Variants in CELF4 observed in about 807,000 individuals in gnomAD.
The protein encoded by CELF4 is CUGBP Elav-like family member 4, also known as CUG-BP- and ETR-3-like factor 4.
A neutral mutation model predicts 59.9 loss-of-function variants in CELF4; 18 were observed. That is an observed-to-expected ratio of 0.30 (90% CI 0.21 to 0.45). The LOEUF is 0.45. Among genes scored for constraint, CELF4 ranks in the 20% least tolerant of loss-of-function variants. The pLI is 1.00. For missense variants in CELF4, 456 were observed against 689.0 expected (o/e 0.66, Z 3.79); for synonymous variants, 261 against 267.1 (o/e 0.98, Z 0.22).
At chr18:37,372,374 C>T (rs772959819) in intron 2 of CELF4, among the ~76,000 whole-genome samples, 9 of 152,226 alleles carry the variant, frequency 5.9e-5, no homozygotes, top group Non-Finnish European at 1.0e-4. Flanking sequence ...AGCAAACTAT[C>T]GCAAGGACAG....
intron 2 of CELF4, among the ~76,000 whole-genome samples, chr18:37,396,678 G>A (rs1196087227): frequency 1.3e-5 from 2 of 152,132 alleles, no homozygotes; most frequent in African/African-American, 2.4e-5. Flanking sequence ...TGGATGAGGC[G>A]GGTGACTGGA....
intron 2 of CELF4, among the ~76,000 whole-genome samples, chr18:37,333,784 G>GCATC (rs59559131): frequency 3.5e-4 from 52 of 150,130 alleles, no homozygotes; most frequent in African/African-American, 1.1e-3. Flanking sequence ...CTCCATCCAT[G>GCATC]CATCCATCCA....
chr18:37,308,674 C>T (rs2096536477), intron 3 of CELF4, among the ~76,000 whole-genome samples: 1 of 152,216 alleles, frequency 6.6e-6, no homozygotes, highest in Non-Finnish European at 1.5e-5. Context: ...TTGCAACTGG[C>T]CATTTATGTG....
intron 2 of CELF4, among the ~76,000 whole-genome samples, chr18:37,347,086 A>T (rs866851537): frequency 1.3e-5 from 2 of 152,156 alleles, no homozygotes; most frequent in Non-Finnish European, 1.5e-5. Flanking sequence ...GGACCTGCTG[A>T]TGGAGGGTGT....
intron 1 of CELF4, among the ~76,000 whole-genome samples, chr18:37,504,671 C>T (rs2099935658): frequency 1.3e-5 from 2 of 152,120 alleles, no homozygotes; most frequent in African/African-American, 2.4e-5. Flanking sequence ...GAGTACCAGT[C>T]ACCACCAGCA....
At chr18:37,270,647 G>T in intron 8 of CELF4, 121 bp downstream of exon 8, 1 of 1,223,930 alleles carries the variant, frequency 8.2e-7, no homozygotes, top group Non-Finnish European at 1.2e-6. Context: ...GATCACACTT[G>T]GGGTTTCATC....
intron 2 of CELF4, among the ~76,000 whole-genome samples, chr18:37,467,982 C>T (rs1204904740): frequency 6.6e-6 from 1 of 151,680 alleles, no homozygotes; most frequent in Non-Finnish European, 1.5e-5. Flanking sequence ...TGTGTATGTG[C>T]GTGCATGTGT....
intron 2 of CELF4, among the ~76,000 whole-genome samples, chr18:37,452,309 C>T (rs181985642): frequency 6.6e-6 from 1 of 152,260 alleles, no homozygotes; most frequent in East Asian, 1.9e-4. Context: ...CTTCTCACAA[C>T]CCTTGAGGCC....
chr18:37,550,093 G>GGA (rs1555649400), intron 1 of CELF4, among the ~76,000 whole-genome samples: 1 of 130,844 alleles, frequency 7.6e-6, no homozygotes, highest in Non-Finnish European at 1.6e-5. Flanking sequence ...TGGGGGGGGG[G>GGA]GATCCGTGGG....
At chr18:37,335,761 G>C (rs1380591859) in intron 2 of CELF4, among the ~76,000 whole-genome samples, 1 of 152,012 alleles carries the variant, frequency 6.6e-6, no homozygotes, top group Non-Finnish European at 1.5e-5. Context: ...TAGAGACTCT[G>C]CCTGTGGCTC....
intron 2 of CELF4, among the ~76,000 whole-genome samples, chr18:37,353,360 C>A (rs956981124): frequency 1.8e-4 from 27 of 151,466 alleles, no homozygotes; most frequent in Non-Finnish European, 8.8e-5. Context: ...TCCCAGGGGT[C>A]AGCAATGGAG....
At chr18:37,550,491 C>G (rs967373099) in intron 1 of CELF4, among the ~76,000 whole-genome samples, 4 of 152,224 alleles carry the variant, frequency 2.6e-5, no homozygotes, top group Non-Finnish European at 5.9e-5. Flanking sequence ...CCAAGCTAAG[C>G]TGAAACTTTC....
chr18:37,508,535 A>G (rs1325256404), intron 1 of CELF4, among the ~76,000 whole-genome samples: 4 of 152,118 alleles, frequency 2.6e-5, no homozygotes, highest in African/African-American at 7.2e-5. Flanking sequence ...CACCCCCCTC[A>G]CCTCCTGCTG....
intron 2 of CELF4, among the ~76,000 whole-genome samples, chr18:37,392,856 C>T (rs1055130938): frequency 2.6e-5 from 4 of 152,198 alleles, no homozygotes; most frequent in African/African-American, 9.6e-5. Context: ...CCCTTTCCCC[C>T]GTCATCTGCT....
intron 1 of CELF4, among the ~76,000 whole-genome samples, chr18:37,525,626 G>A (rs1162837383): frequency 1.4e-5 from 2 of 142,628 alleles, no homozygotes; most frequent in Non-Finnish European, 3.1e-5. Flanking sequence ...GGAGGGGCGG[G>A]AAGGAAAAGA....
chr18:37,313,596 A>G (rs1283463916), intron 3 of CELF4, among the ~76,000 whole-genome samples: 3 of 152,124 alleles, frequency 2.0e-5, no homozygotes, highest in Non-Finnish European at 2.9e-5. Flanking sequence ...CATGCCCCAG[A>G]GCCTGTCCCA....
At chr18:37,318,641 CCACTTTCTACTGCAAG>C (rs2096959749) in intron 3 of CELF4, among the ~76,000 whole-genome samples, 1 of 129,050 alleles carries the variant, frequency 7.7e-6, no homozygotes, top group South Asian at 2.5e-4. Context: ...CCCCCCCCCC[CCACTTTCTACTGCAAG>C]AAGAATAAAA....
chr18:37,304,465 G>C (rs1206375400), intron 3 of CELF4, among the ~76,000 whole-genome samples: 1 of 152,248 alleles, frequency 6.6e-6, no homozygotes, highest in Non-Finnish European at 1.5e-5. Context: ...TGGTGGGGCA[G>C]TGGGTGGAGG....
At chr18:37,529,295 T>C in intron 1 of CELF4, 1 of 152,352 alleles carries the variant, frequency 6.6e-6, no homozygotes, top group Non-Finnish European at 1.5e-5. Flanking sequence ...GCTCAGGGCC[T>C]GAGAGGTGAG....
Sources: gnomAD v4.1 joint callset for allele counts (sites outside exome capture counted in the v4.1 genomes callset) on GRCh38, gnomAD v4.1.1 for gene constraint, MANE v1.5 for transcripts, NCBI Gene and HGNC (gene_info 2026-07-23, HGNC 2026-07-21) for gene names.